Variants in EXOC3L1 observed in about 807,000 individuals in gnomAD.
EXOC3L1 encodes the protein exocyst complex component 3-like protein.
Under a neutral mutation model 83.6 loss-of-function variants are expected in EXOC3L1, and 79 were observed. That is an observed-to-expected ratio of 0.95 (90% CI 0.79 to 1.14). The LOEUF is 1.14. Among genes scored for constraint, EXOC3L1 ranks in the 50% most tolerant of loss-of-function variants. EXOC3L1 has a pLI of 0.00. For synonymous variants in EXOC3L1, 433 were observed against 451.2 expected, an observed-to-expected ratio of 0.96 and a Z score of 0.51; for missense variants, 945 against 972.0, an observed-to-expected ratio of 0.97 and a Z score of 0.37.
chr16:67,185,295 A>AC lies in EXOC3L1; in HGVS notation c.1627-38dup, dbSNP rs773521599. 3.1e-6 allele frequency: 5 copies of AC among 1,612,800 alleles called. No individual in the cohort carries two copies. The South Asian group carries it at 4.4e-5, about 14-fold the overall frequency. ...ATCCAGATCTGGCATTGCCGCGGAGACCCCCATACGTAGCTGTACCGCCAC... is the reference window on the plus strand; with the variant it reads ...ATCCAGATCTGGCATTGCCGCGGAGACCCCCCATACGTAGCTGTACCGCCAC... On this transcript the variant is annotated intron_variant, in intron 10 of 13. Transcript: ENST00000314586.
At position 67,187,765 on chromosome 16, in the gene EXOC3L1, C is replaced by T. The variant is rs202169758; in HGVS notation, c.500G>A (p.Arg167Gln). 116 of 1,612,698 alleles carry T rather than the reference C, an allele frequency of 7.2e-5. No homozygotes were observed. Among genetic ancestry groups the T allele is most frequent in the East Asian group, 2.2e-5 (1 of 44,896 alleles). The change falls in exon 5 of 14, where the codon CGG becomes CAG. Residue 167 changes from arginine to glutamine, a missense_variant. Coordinates refer to ENST00000314586, the MANE Select transcript of EXOC3L1 (RefSeq NM_178516.4). ...QQFLEAYVSL[R>Q]ELEQLREDTW... ...ATCCTCTCGCAGCTGCTCCAGCTCC[C>T]GAAGGCTCACATATGCCTCCAAGAA... is the stretch of plus-strand genomic sequence containing the variant.
Position 67,189,977 on chromosome 16 carries a change from TGA to T in EXOC3L1, c.-16_-15del, listed in dbSNP as rs2032838495. 3 of 398,322 alleles carry T rather than the reference TGA, an allele frequency of 7.5e-6. No individual in the cohort carries two copies. Among genetic ancestry groups the T allele is most frequent in the African/African-American group, 2.0e-5 (1 of 48,974 alleles). 24.7% of individuals were successfully genotyped at this position (398,322 alleles called of 1,614,324 possible). A position where few individuals can be genotyped will look rare whatever the true frequency, so the allele number is the denominator to read the frequency against. On this transcript the variant is annotated 5_prime_UTR_variant, in exon 1 of 14. Transcript: ENST00000314586. The stretch of plus-strand genomic sequence containing the variant: ...AGTTTGGTACAGAACTTACCAGATT[TGA>T]TCAGGCGTCCAGTTCTCCCTCCAAA...
chr16:67,189,519 T>C, intron 2 of EXOC3L1, 112 bp downstream of exon 2: 2 of 1,274,878 alleles, frequency 1.6e-6, no homozygotes, highest in South Asian at 1.3e-5. Context: ...TCAGGTCATC[T>C]GCCCATCTTG....
Position 67,186,318 on chromosome 16 carries a change from CG to C in EXOC3L1, c.1414del (p.Arg472GlufsTer127). On this transcript the variant is annotated frameshift_variant, in exon 9 of 14. Transcript: ENST00000314586. LOFTEE classifies it high-confidence loss of function. ...SFSDALIRFS[R>X]DHFRGKSMAP... ...CATTGATTTCCCCCTGAAGTGGTCT[CG>C]GGAGAATCGGATCAGAGCATCACTG... 6.4e-7 allele frequency: 1 copy of C among 1,567,294 alleles called. No homozygotes were observed. Among genetic ancestry groups the C allele is most frequent in the Non-Finnish European group, 8.7e-7 (1 of 1,155,142 alleles).
At chr16:67,186,214 G>C in intron 9 of EXOC3L1, 23 bp downstream of exon 9, 1 of 1,516,422 alleles carries the variant, frequency 6.6e-7, no homozygotes, top group Non-Finnish European at 9.0e-7. Context: ...TGAAGGTGGG[G>C]TTCCCTGGGG....
chr16:67,189,759 T>A, intron 1 of EXOC3L1, 76 bp from the exon 2 acceptor site: 1 of 1,441,834 alleles, frequency 6.9e-7, no homozygotes, highest in Non-Finnish European at 9.6e-7. Flanking sequence ...TGCCTCTGTC[T>A]AAGCCCTTCT....
At position 67,186,864 on chromosome 16, in the gene EXOC3L1, CAGCCACTG is replaced by C. The variant is rs767956964; in HGVS notation, c.1171_1178del (p.Gln391AlafsTer10). 1.2e-6 allele frequency: 2 copies of C among 1,613,662 alleles called. No individual in the cohort carries two copies. The highest frequency in any genetic ancestry group is 2.2e-5 in the South Asian group (2 of 91,088). On this transcript the variant is annotated frameshift_variant, in exon 7 of 14. Transcript: ENST00000314586. LOFTEE classifies it high-confidence loss of function. Reference sequence around the variant, plus strand: ...CTACCTCCCCATCCAGTGCATTCTGCAGCCACTGAGACACACTTGCCTGGGGGGAGGGG... The same window carrying C: ...CTACCTCCCCATCCAGTGCATTCTGCAGACACACTTGCCTGGGGGGAGGGG...
At chr16:67,185,529 A>G (rs763715966) in intron 9 of EXOC3L1, 39 bp from the exon 10 acceptor site, 1 of 1,583,146 alleles carries the variant, frequency 6.3e-7, no homozygotes, top group South Asian at 1.1e-5. Context: ...ACCAAGGCCA[A>G]GGCCCGCATG....
At chr16:67,189,249 C>CTTAT (rs535337809) in intron 2 of EXOC3L1, 69 bp from the exon 3 acceptor site, 37,976 of 1,290,612 alleles carry the variant, frequency 0.029, 817 homozygotes, top group Admixed American at 0.068. Context: ...TCCCAGCTTT[C>CTTAT]TTATTTATTT....
rs2032771875 is a variant in EXOC3L1 at position 67,187,820 on chromosome 16, G to C, written c.445C>G (p.His149Asp). 1.3e-6 allele frequency: 2 copies of C among 1,599,000 alleles called. No individual in the cohort carries two copies. The highest frequency in any genetic ancestry group is 3.4e-5 in the Admixed American group (2 of 58,548). The change falls in exon 5 of 14, where the codon CAC (histidine) becomes GAC (aspartate). Residue 149 changes from histidine (H) to aspartate (D), a missense_variant. His to Asp is a moderately conservative substitution (Grantham distance 81). Transcript: ENST00000314586. Reference sequence around the variant, plus strand: ...TGGCCATCAATCAGAGTCTGTGTGTGGGACACTGCAGCCGGCACTAATGAG... The same window carrying C: ...TGGCCATCAATCAGAGTCTGTGTGTCGGACACTGCAGCCGGCACTAATGAG... The part of the protein sequence containing the change: ...RLRAVPAAVS[H>D]TQTLIDGQQF...
Position 67,187,436 on chromosome 16 carries a change from C to T in EXOC3L1, c.829G>A (p.Glu277Lys). The part of the protein sequence containing the change: ...PAPGALPGWL[E>K]ALRVALPVEL... ...ACTGGCAGGGCCACTCGCAGAGCCT[C>T]CAGCCACCCTGGTAGGGCCCCTGGT... The change falls in exon 5 of 14, where the codon GAG becomes AAG. Residue 277 changes from glutamate to lysine, a missense_variant. Physicochemically the swap from Glu to Lys is moderately conservative, Grantham distance 56. Transcript: ENST00000314586. 4 of 1,610,554 alleles carry T rather than the reference C, an allele frequency of 2.5e-6. No individual in the cohort carries two copies. Among genetic ancestry groups the T allele is most frequent in the Admixed American group, 3.3e-5 (2 of 59,992 alleles).
chr16:67,185,610 C>T, intron 9 of EXOC3L1, 120 bp from the exon 10 acceptor site: 1 of 906,980 alleles, frequency 1.1e-6, no homozygotes, highest in South Asian at 1.5e-5. Context: ...GCGAGAACAG[C>T]GGCTCTCTGC....
intron 1 of EXOC3L1, 91 bp from the exon 2 acceptor site, chr16:67,189,774 G>A: frequency 1.5e-6 from 2 of 1,299,312 alleles, no homozygotes; most frequent in Non-Finnish European, 2.2e-6. Context: ...CCTTCTGAGA[G>A]GAGGAAGGAG....
chr16:67,185,785 G>A (rs1289602089), intron 9 of EXOC3L1: 2 of 530,024 alleles, frequency 3.8e-6, no homozygotes, highest in Non-Finnish European at 6.8e-6. Context: ...ATCCCAGTGA[G>A]GAGGGAGTAA....
Position 67,184,744 on chromosome 16 carries a change from C to T in EXOC3L1, c.1972G>A (p.Asp658Asn). The T allele has an allele frequency of 6.3e-7, 1 of 1,588,022 alleles. No homozygotes were observed. The highest frequency in any genetic ancestry group is 8.5e-7 in the Non-Finnish European group (1 of 1,171,336). ...LALRELLNLRDPALLGLEVAG... is the reference protein window; with the variant it reads ...LALRELLNLRNPALLGLEVAG... Reference sequence around the variant, plus strand: ...ACCTCCAGGCCCAGCAGCGCGGGGTCGCGGAGGTTTAGCAGCTCCCTCAGG... The same window carrying T: ...ACCTCCAGGCCCAGCAGCGCGGGGTTGCGGAGGTTTAGCAGCTCCCTCAGG... Residue 658 changes from aspartate (D) to asparagine (N), a missense_variant, in exon 13 of 14, where the codon GAC becomes AAC. Physicochemically the swap from Asp to Asn is conservative, Grantham distance 23. Transcript: ENST00000314586.
rs893911515 is a variant in EXOC3L1 at position 67,189,194 on chromosome 16, G to A, written c.47-14C>T. On this transcript the variant is annotated splice_polypyrimidine_tract_variant and intron_variant, in intron 2 of 13. Transcript: ENST00000314586. ...GCCACTCAGGTCCTGGGAAGGAAGA[G>A]CCTGGGCAGCCGTGTAGTCAGGGAG... is the stretch of plus-strand genomic sequence containing the variant. 1.3e-5 allele frequency: 20 copies of A among 1,585,056 alleles called. No individual in the cohort carries two copies. The highest frequency in any genetic ancestry group is 4.0e-5 in the African/African-American group (3 of 74,484).
chr16:67,185,213 C>A lies in EXOC3L1; in HGVS notation c.1672G>T (p.Glu558Ter), dbSNP rs753725027. The stretch of plus-strand genomic sequence containing the variant: ...CGTTCACACACACTTTGCAGGAGCT[C>A]AGGGCTCGACAGCCATTGGCGCGAG... ...LPSRQWLSSPELLQSVCERTG... is the reference protein window; with the variant it reads ...LPSRQWLSSP Residue 558 changes from glutamate to a stop codon, truncating the protein, a stop_gained, in exon 11 of 14, where the codon GAG becomes TAG. Transcript: ENST00000314586. LOFTEE classifies it high-confidence loss of function. The A allele has an allele frequency of 1.2e-6, 2 of 1,613,456 alleles. No homozygotes were observed. Among genetic ancestry groups the A allele is most frequent in the Admixed American group, 3.3e-5 (2 of 60,020 alleles).
chr16:67,185,413 A>G lies in EXOC3L1; in HGVS notation c.1574T>C (p.Leu525Ser). The change falls in exon 10 of 14, where the codon TTG becomes TCG. Residue 525 changes from leucine (L) to serine (S), a missense_variant. By Grantham distance (145) the Leu-to-Ser change is moderately radical. Coordinates refer to ENST00000314586, the MANE Select transcript of EXOC3L1 (RefSeq NM_178516.4). ...CACCAAGCGGTAGATCCTCCTCTGC[A>G]ACTCGTCCAGCGCAGCTTCCACTGG... ...LAPVEAALDE[L>S]QRRIYRLVLE... is the part of the protein sequence containing the mutation. 1 of 1,612,316 alleles carries G rather than the reference A, an allele frequency of 6.2e-7. No individual in the cohort carries two copies. Among genetic ancestry groups the G allele is most frequent in the Non-Finnish European group, 8.5e-7 (1 of 1,179,976 alleles).
In EXOC3L1 at chr16:67,184,585, G is replaced by A. The variant is rs755267476; in HGVS notation, c.2050C>T (p.Leu684Phe). 8.2e-5 allele frequency: 129 copies of A among 1,576,060 alleles called. No homozygotes were observed. The highest frequency in any genetic ancestry group is 9.7e-5 in the Non-Finnish European group (113 of 1,167,958). The change falls in exon 14 of 14, where the codon CTC becomes TTC. Residue 684 changes from leucine (L) to phenylalanine (F), a missense_variant. Physicochemically the swap from Leu to Phe is conservative, Grantham distance 22. Transcript: ENST00000314586. Reference sequence around the variant, plus strand: ...GACAAGTCCCCGCGCAGGCCCAAGAGGGCGGAGACGTGGTCCTCGCTGCAG... The same window carrying A: ...GACAAGTCCCCGCGCAGGCCCAAGAAGGCGGAGACGTGGTCCTCGCTGCAG... ...PDVSEDHVSA[L>F]LGLRGDLSRE...
Sources: gnomAD v4.1 joint callset for allele counts on GRCh38, gnomAD v4.1.1 for gene constraint, MANE v1.5 for transcripts, NCBI Gene and HGNC (gene_info 2026-07-23, HGNC 2026-07-21) for gene names.